The following DAB1 variants were observed in gnomAD, a reference collection of about 807,000 sequenced individuals.
The protein encoded by DAB1 is DAB adaptor protein 1.
Under a neutral mutation model 64.6 loss-of-function variants are expected in DAB1, and 15 were observed. The observed-to-expected ratio is 0.23, with a 90% CI of 0.16 to 0.36. The LOEUF (loss-of-function observed/expected upper bound fraction) is 0.36, where lower values mean the gene tolerates loss of function less well. DAB1 is among the 10% of genes least tolerant of loss of function. DAB1 has a pLI of 1.00. For synonymous variants in DAB1, 235 were observed against 251.9 expected (o/e 0.93, Z 0.64); for missense variants, 596 against 706.7 (o/e 0.84, Z 1.78).
At chr1:57,181,875 T>TTTTTGTTTTGTTTG (rs1403512793) in intron 2 of DAB1, among the ~76,000 whole-genome samples, 1 of 151,992 alleles carries the variant, frequency 6.6e-6, no homozygotes, top group Non-Finnish European at 1.5e-5. Context: ...CAAGTGAAGT[T>TTTTTGTTTTGTTTG]TTTTGTTTTG....
chr1:58,495,102 A>G (rs975280506), intron 3 of DAB1, among the ~76,000 whole-genome samples: 1 of 152,204 alleles, frequency 6.6e-6, no homozygotes, highest in East Asian at 1.9e-4. Flanking sequence ...AAAAAGGATG[A>G]GTTCATGTCC....
chr1:58,277,858 A>G (rs1175983002), intron 4 of DAB1, among the ~76,000 whole-genome samples: 1 of 152,140 alleles, frequency 6.6e-6, no homozygotes, highest in African/African-American at 2.4e-5. Context: ...TGCTATCAAC[A>G]TAACCCCCAT....
At chr1:58,315,956 A>C (rs1415522939) in intron 4 of DAB1, among the ~76,000 whole-genome samples, 1 of 152,204 alleles carries the variant, frequency 6.6e-6, no homozygotes, top group Non-Finnish European at 1.5e-5. Flanking sequence ...CAATGAAAAC[A>C]ATCAGTCAAA....
chr1:58,173,267 C>T (rs1656277118), intron 4 of DAB1, among the ~76,000 whole-genome samples: 1 of 152,150 alleles, frequency 6.6e-6, no homozygotes, highest in South Asian at 2.1e-4. Context: ...ATACCTGAAG[C>T]CAGCCAGTGG....
chr1:57,253,153 G>A (rs1023789838), intron 2 of DAB1, among the ~76,000 whole-genome samples: 2 of 152,204 alleles, frequency 1.3e-5, no homozygotes, highest in African/African-American at 4.8e-5. Context: ...AGGGCAGGGG[G>A]CACATTCGGG....
intron 5 of DAB1, among the ~76,000 whole-genome samples, chr1:58,092,271 TGCA>T (rs2100614013): frequency 6.6e-6 from 1 of 151,286 alleles, no homozygotes; most frequent in East Asian, 1.9e-4. Context: ...GCAGGGGCAT[TGCA>T]GCGAGTCAAG....
intron 3 of DAB1, among the ~76,000 whole-genome samples, chr1:57,144,733 A>G (rs1247982366): frequency 6.6e-6 from 1 of 151,868 alleles, no homozygotes; most frequent in African/African-American, 2.4e-5. Context: ...TTTCTTTCTT[A>G]GATTCCTCAG....
intron 3 of DAB1, among the ~76,000 whole-genome samples, chr1:58,410,717 C>T (rs1199935835): frequency 6.6e-6 from 1 of 152,124 alleles, no homozygotes; most frequent in South Asian, 2.1e-4. Flanking sequence ...TCTATTCCTG[C>T]GCTTAGAAGT....
chr1:57,538,061 C>T (rs1443210939), intron 7 of DAB1, among the ~76,000 whole-genome samples: 1 of 152,162 alleles, frequency 6.6e-6, no homozygotes, highest in Non-Finnish European at 1.5e-5. Context: ...GTGACCTAAA[C>T]ACCTCCCGCT....
chr1:58,311,567 G>A (rs1446772949), intron 4 of DAB1, among the ~76,000 whole-genome samples: 2 of 152,146 alleles, frequency 1.3e-5, no homozygotes, highest in Non-Finnish European at 2.9e-5. Flanking sequence ...TTTCTACCCA[G>A]TGCAGAAATC....
At chr1:57,353,498 T>C (rs919045747) in intron 1 of DAB1, among the ~76,000 whole-genome samples, 7 of 152,288 alleles carry the variant, frequency 4.6e-5, no homozygotes, top group African/African-American at 1.7e-4. Flanking sequence ...TGCCCATCAA[T>C]GTTGGTGAAA....
At chr1:57,668,132 C>A (rs1240503072) in intron 6 of DAB1, among the ~76,000 whole-genome samples, 1 of 151,884 alleles carries the variant, frequency 6.6e-6, no homozygotes, top group South Asian at 2.1e-4. Context: ...GTGGAATTAG[C>A]GTTCAATATT....
intron 7 of DAB1, among the ~76,000 whole-genome samples, chr1:57,477,789 G>A (rs536639205): frequency 2.4e-4 from 36 of 152,130 alleles, no homozygotes; most frequent in Non-Finnish European, 4.6e-4. Flanking sequence ...AGGATGTCAA[G>A]GAGTTTGCTT....
chr1:57,090,637 A>G (rs1015532701), intron 4 of DAB1, among the ~76,000 whole-genome samples: 1 of 152,206 alleles, frequency 6.6e-6, no homozygotes, highest in Non-Finnish European at 1.5e-5. Flanking sequence ...CCTCTAGAAT[A>G]CAAAACTCCC....
chr1:58,197,404 A>AC (rs1553166782), intron 4 of DAB1, among the ~76,000 whole-genome samples: 1 of 69,142 alleles, frequency 1.4e-5, no homozygotes, highest in Non-Finnish European at 3.5e-5. Flanking sequence ...GGAGAGTTAC[A>AC]CTTTTTTTTT....
chr1:58,332,155 T>A (rs566571204), intron 4 of DAB1, among the ~76,000 whole-genome samples: 2 of 151,990 alleles, frequency 1.3e-5, no homozygotes, highest in East Asian at 3.9e-4. Flanking sequence ...AACTCCAGTA[T>A]TTTTTTTGGT....
chr1:57,071,244 G>A (rs954731465), intron 6 of DAB1, 183 bp from the exon 7 acceptor site: 39 of 663,820 alleles, frequency 5.9e-5, no homozygotes, highest in Non-Finnish European at 8.9e-5. Context: ...ACCTCCACCC[G>A]CACTGTTAAC....
At chr1:58,288,039 A>AAAG (rs1661732269) in intron 4 of DAB1, among the ~76,000 whole-genome samples, 1 of 23,214 alleles carries the variant, frequency 4.3e-5, no homozygotes, top group Admixed American at 4.3e-4. Flanking sequence ...AAAAAAAAAA[A>AAAG]AAAAAAGAAA....
chr1:58,054,581 C>T (rs956262928), intron 5 of DAB1, among the ~76,000 whole-genome samples: 2 of 152,192 alleles, frequency 1.3e-5, no homozygotes, highest in African/African-American at 2.4e-5. Context: ...GACATAAAAC[C>T]CATTATCAGC....
Sources: gnomAD v4.1 joint callset for allele counts (sites outside exome capture counted in the v4.1 genomes callset) on GRCh38, gnomAD v4.1.1 for gene constraint, MANE v1.5 for transcripts, NCBI Gene and HGNC (gene_info 2026-07-23, HGNC 2026-07-21) for gene names.